The following SYTL5 variants were observed in gnomAD, a reference collection of about 807,000 sequenced individuals.
SYTL5 encodes synaptotagmin like 5.
In SYTL5, 34 loss-of-function variants were observed where a neutral mutation model predicts 55.9. That is an observed-to-expected ratio of 0.61 (90% CI 0.46 to 0.81). SYTL5 has a LOEUF of 0.81. Among genes scored for constraint, SYTL5 ranks in the 30% least tolerant of loss-of-function variants. The probability of loss-of-function intolerance (pLI) is 0.00; values close to 1 mark genes in which losing one functional copy is unlikely to be tolerated. For missense variants in SYTL5, 637 were observed against 546.7 expected (o/e 1.17, Z -1.65); for synonymous variants, 221 against 188.7 (o/e 1.17, Z -1.40).
chrX:38,044,833 C>T (rs1233624542), intron 2 of SYTL5, among the ~76,000 whole-genome samples: 1 of 111,522 alleles, frequency 9.0e-6, no homozygotes, highest in East Asian at 2.8e-4. Flanking sequence ...CTTAATGGGC[C>T]AGGAAATTGA....
rs1220934229 is a variant in SYTL5, at chrX:38,107,752, C to T, written c.1335-848C>T. On this transcript the variant is annotated intron_variant, in intron 11 of 16. Transcript: ENST00000297875. ...AACTCAGTGAACCTGGTTCCAAATC[C>T]CCTAAGATAGACAAATGAGTGGATT... Among the ~76,000 whole-genome samples, 4 of 111,615 alleles carry T rather than the reference C, an allele frequency of 3.6e-5. No homozygotes were observed. In the Admixed American group the frequency reaches 3.8e-4, roughly 11 times the overall value.
the SYTL5 span, among the ~76,000 whole-genome samples, chrX:37,990,164 G>A: frequency 7.2e-5 from 8 of 111,014 alleles, no homozygotes; most frequent in South Asian, 3.8e-4. Flanking sequence ...GAGCCACTGC[G>A]CCCGGCTGAG....
chrX:38,045,647 A>G (rs180850964), intron 2 of SYTL5, among the ~76,000 whole-genome samples: 1 of 112,223 alleles, frequency 8.9e-6, no homozygotes, highest in Non-Finnish European at 1.9e-5. Flanking sequence ...CACAAGTCAC[A>G]AGACTTCTTT....
the SYTL5 span, among the ~76,000 whole-genome samples, chrX:37,986,011 A>G: frequency 9.0e-6 from 1 of 111,702 alleles, no homozygotes. Context: ...AAATTAACTC[A>G]AAATGAATCA....
At chrX:38,022,420 A>G (rs1057226546) in intron 1 of SYTL5, among the ~76,000 whole-genome samples, 2 of 112,351 alleles carry the variant, frequency 1.8e-5, no homozygotes. Context: ...GACTAAAATC[A>G]TGGTGTTAGC....
chrX:38,055,206 CCCGAATTTCCTCCAAA>C (rs1374686822), intron 3 of SYTL5, among the ~76,000 whole-genome samples: 2 of 111,685 alleles, frequency 1.8e-5, no homozygotes, highest in African/African-American at 3.3e-5. Context: ...TGGAGTACTT[CCCGAATTTCCTCCAAA>C]CCGAATTTCC....
chrX:38,125,255 G>A, intron 15 of SYTL5, 43 bp from the exon 16 acceptor site: 1 of 1,120,273 alleles, frequency 8.9e-7, no homozygotes, highest in Non-Finnish European at 1.2e-6. Context: ...GACATTTTCT[G>A]TCTGCTGTCT....
At chrX:38,063,412 C>T (rs1412780426) in intron 3 of SYTL5, among the ~76,000 whole-genome samples, 1 of 111,428 alleles carries the variant, frequency 9.0e-6, no homozygotes, top group African/African-American at 3.3e-5. Context: ...AGTATGGTAC[C>T]TTAATAGCTA....
At chrX:38,086,594 T>C (rs1378146337) in intron 6 of SYTL5, among the ~76,000 whole-genome samples, 1 of 111,977 alleles carries the variant, frequency 8.9e-6, no homozygotes, top group African/African-American at 3.2e-5. Context: ...TGATTTATCA[T>C]ACTTCTTATT....
At chrX:37,920,681 G>A in the SYTL5 span, among the ~76,000 whole-genome samples, 2 of 110,518 alleles carry the variant, frequency 1.8e-5, no homozygotes, top group Admixed American at 9.7e-5. Context: ...CTAGCATCTA[G>A]GCTAGCCCTT....
At chrX:37,960,733 A>G in the SYTL5 span, among the ~76,000 whole-genome samples, 3 of 104,958 alleles carry the variant, frequency 2.9e-5, no homozygotes. Context: ...CAATGCAGGT[A>G]TTTTTTTTTC....
the SYTL5 span, among the ~76,000 whole-genome samples, chrX:37,989,898 A>C: frequency 9.1e-6 from 1 of 110,230 alleles, no homozygotes; most frequent in Non-Finnish European, 1.9e-5. Flanking sequence ...TTTGAGACCG[A>C]GTCCCGCTCT....
At chrX:37,952,475 G>A in the SYTL5 span, among the ~76,000 whole-genome samples, 35 of 111,604 alleles carry the variant, frequency 3.1e-4, no homozygotes, top group East Asian at 8.8e-3. Context: ...TATACTGACC[G>A]AAGCAAATCA....
At chrX:38,079,863 C>T (rs1412188790) in intron 6 of SYTL5, among the ~76,000 whole-genome samples, 1 of 112,070 alleles carries the variant, frequency 8.9e-6, no homozygotes, top group Non-Finnish European at 1.9e-5. Flanking sequence ...CATGGCCTCC[C>T]TTGAATAGAG....
chrX:38,042,137 G>A (rs768937438), intron 2 of SYTL5, among the ~76,000 whole-genome samples: 2 of 109,578 alleles, frequency 1.8e-5, no homozygotes, highest in African/African-American at 3.3e-5. Flanking sequence ...AATTATTAAC[G>A]TGTTTATATT....
chrX:37,958,295 C>T, the SYTL5 span, among the ~76,000 whole-genome samples: 5 of 110,966 alleles, frequency 4.5e-5, no homozygotes, highest in African/African-American at 1.6e-4. Flanking sequence ...AGTCTGAGAG[C>T]ATGGTACCAG....
the SYTL5 span, among the ~76,000 whole-genome samples, chrX:37,943,131 A>T: frequency 8.9e-6 from 1 of 112,228 alleles, no homozygotes; most frequent in Non-Finnish European, 1.9e-5. Flanking sequence ...AAGTGACCAT[A>T]GTCAGTATTG....
chrX:37,939,975 G>A, the SYTL5 span, among the ~76,000 whole-genome samples: 3 of 110,799 alleles, frequency 2.7e-5, no homozygotes, highest in Non-Finnish European at 5.7e-5. Flanking sequence ...GGGACTACAG[G>A]CGTGCGCCAC....
intron 12 of SYTL5, among the ~76,000 whole-genome samples, chrX:38,109,977 C>T (rs189324033): frequency 9.1e-6 from 1 of 110,381 alleles, no homozygotes; most frequent in South Asian, 3.9e-4. Context: ...CTTGAGCTTA[C>T]AAAGTAGGTA....
Sources: allele counts gnomAD v4.1 joint callset (sites outside exome capture counted in the v4.1 genomes callset), GRCh38; gene constraint gnomAD v4.1.1; transcripts MANE v1.5; gene names NCBI Gene and HGNC (gene_info 2026-07-23, HGNC 2026-07-21).